Variants in PLEKHA7 observed in about 807,000 individuals in gnomAD.
PLEKHA7 encodes pleckstrin homology domain-containing family A member 7.
Under a neutral mutation model 170.0 loss-of-function variants are expected in PLEKHA7, and 104 were observed. That is an observed-to-expected ratio of 0.61 (90% CI 0.52 to 0.72). The LOEUF (loss-of-function observed/expected upper bound fraction) is 0.72. Among genes scored for constraint, PLEKHA7 ranks in the 30% least tolerant of loss-of-function variants. The pLI, the probability that PLEKHA7 is intolerant of heterozygous loss-of-function variation, is 0.00. For missense variants in PLEKHA7, 1,615 were observed against 1,671.7 expected (o/e 0.97, Z 0.59); for synonymous variants, 648 against 660.8 (o/e 0.98, Z 0.30).
In PLEKHA7 at chr11:16,968,045, A is replaced by C. The variant is rs1021183776; in HGVS notation, c.221+45944T>G. On this transcript the variant is annotated intron_variant, in intron 3 of 26. Transcript: ENST00000531066. The stretch of plus-strand genomic sequence containing the variant: ...GAAAGAAGAAGGGAGAAGAATAGAT[A>C]GAACCCCACTTAGCCCAAGTCAAAA... Among the ~76,000 whole-genome samples, 6 of 152,304 alleles carry C rather than the reference A, an allele frequency of 3.9e-5. No individual in the cohort carries two copies. The South Asian group carries it at 1.2e-3, about 32-fold the overall frequency.
In PLEKHA7 at chr11:16,841,682, G is replaced by T. The variant is rs768143537; in HGVS notation, c.737C>A (p.Ser246Tyr). 39 of 1,614,144 alleles carry T rather than the reference G, an allele frequency of 2.4e-5. No homozygotes were observed. Among genetic ancestry groups the T allele is most frequent in the Non-Finnish European group, 3.3e-5 (39 of 1,180,026 alleles). ...CTGCTCGGCCTGAGAGCCCGCTGTGGAGCTGTTATAGATGAGCGCTCGCAT... is the reference window on the plus strand; with the variant it reads ...CTGCTCGGCCTGAGAGCCCGCTGTGTAGCTGTTATAGATGAGCGCTCGCAT... Reference protein sequence around the residue: ...TGMRALIYNSSTAGSQAEQSG... With the variant: ...TGMRALIYNSYTAGSQAEQSG... The change falls in exon 9 of 27, where the codon TCC becomes TAC. Residue 246 changes from serine to tyrosine, a missense_variant. Ser to Tyr is a moderately radical substitution (Grantham distance 144). Coordinates refer to ENST00000531066, the MANE Select transcript of PLEKHA7 (RefSeq NM_001329630.2).
chr11:16,824,727 T>C (rs2134911073), intron 10 of PLEKHA7, among the ~76,000 whole-genome samples: 2 of 152,358 alleles, frequency 1.3e-5, no homozygotes, highest in South Asian at 2.1e-4. Flanking sequence ...TCAGATCATA[T>C]CACTTACCTG....
At chr11:16,808,683 C>T (rs542772388) in intron 13 of PLEKHA7, among the ~76,000 whole-genome samples, 2 of 152,162 alleles carry the variant, frequency 1.3e-5, no homozygotes, top group East Asian at 1.9e-4. Context: ...AAAGGCTCCA[C>T]GAGTGACAGC....
intron 3 of PLEKHA7, among the ~76,000 whole-genome samples, chr11:16,903,854 GCA>G (rs1857491868): frequency 6.6e-6 from 1 of 152,210 alleles, no homozygotes; most frequent in South Asian, 2.1e-4. Flanking sequence ...ACCTGGGGCA[GCA>G]CACAGTCAGA....
At chr11:16,807,623 A>C (rs1018729963) in intron 13 of PLEKHA7, among the ~76,000 whole-genome samples, 13 of 152,172 alleles carry the variant, frequency 8.5e-5, no homozygotes, top group Non-Finnish European at 1.9e-4. Context: ...GTAAGATACT[A>C]GTTTAGAGTC....
chr11:16,848,864 G>C (rs1470949622), intron 8 of PLEKHA7, among the ~76,000 whole-genome samples: 1 of 152,166 alleles, frequency 6.6e-6, no homozygotes, highest in Non-Finnish European at 1.5e-5. Flanking sequence ...ATACAGAGAA[G>C]GACCAACATC....
At chr11:16,891,075 T>C (rs916261958) in intron 3 of PLEKHA7, among the ~76,000 whole-genome samples, 4 of 151,376 alleles carry the variant, frequency 2.6e-5, no homozygotes, top group Admixed American at 2.6e-4. Context: ...TTATTCTCTA[T>C]TCTATTCTAT....
At chr11:16,910,715 CCTGCAATA>C (rs772889735) in intron 3 of PLEKHA7, among the ~76,000 whole-genome samples, 10 of 152,198 alleles carry the variant, frequency 6.6e-5, no homozygotes, top group Non-Finnish European at 1.3e-4. Flanking sequence ...TGCTGAACAG[CCTGCAATA>C]TACAGGACAG....
intron 3 of PLEKHA7, among the ~76,000 whole-genome samples, chr11:16,947,589 TA>T (rs79807953): frequency 3.1e-3 from 332 of 107,772 alleles, no homozygotes; most frequent in Middle Eastern, 6.6e-3. Flanking sequence ...AGACTCCACC[TA>T]AAAAAAAAAA....
At chr11:16,948,559 G>A (rs1861195593) in intron 3 of PLEKHA7, among the ~76,000 whole-genome samples, 1 of 151,964 alleles carries the variant, frequency 6.6e-6, no homozygotes, top group Non-Finnish European at 1.5e-5. Flanking sequence ...GATGGTATCT[G>A]CACAAATACA....
At position 16,789,223 on chromosome 11, in the gene PLEKHA7, A is replaced by G. The variant is rs185447707; in HGVS notation, c.3230T>C (p.Leu1077Pro). 1.2e-6 allele frequency: 2 copies of G among 1,613,668 alleles called. No homozygotes were observed. The highest frequency in any genetic ancestry group is 1.7e-6 in the Non-Finnish European group (2 of 1,180,024). The change falls in exon 23 of 27, where the codon CTG (leucine) becomes CCG (proline). Residue 1077 changes from leucine to proline, a missense_variant. Physicochemically the swap from Leu to Pro is moderately conservative, Grantham distance 98 (BLOSUM62 -3). Coordinates refer to ENST00000531066, the MANE Select transcript of PLEKHA7 (RefSeq NM_001329630.2). This position sits in a 1 kb window ranked among gnomAD's most constrained non-coding sequence, Gnocchi z 4.6. ...CTTCTGGTGTCGCTTCATGCGCTCCAGCTGCTCCTCTGCACTCATCTTGCC... is the reference window on the plus strand; with the variant it reads ...CTTCTGGTGTCGCTTCATGCGCTCCGGCTGCTCCTCTGCACTCATCTTGCC... ...QRGKMSAEEQLERMKRHQKAL... is the reference protein window; with the variant it reads ...QRGKMSAEEQPERMKRHQKAL...
intron 8 of PLEKHA7, among the ~76,000 whole-genome samples, chr11:16,849,642 G>A (rs1464138048): frequency 2.0e-5 from 3 of 152,210 alleles, no homozygotes; most frequent in Admixed American, 6.5e-5. Context: ...AACTGAAAGA[G>A]AACAGAATTC....
At chr11:16,906,913 T>C (rs1857779609) in intron 3 of PLEKHA7, among the ~76,000 whole-genome samples, 1 of 143,200 alleles carries the variant, frequency 7.0e-6, no homozygotes, top group Admixed American at 6.9e-5. Flanking sequence ...TCGTCTGAGA[T>C]GTGGGGAGCG....
intron 3 of PLEKHA7, among the ~76,000 whole-genome samples, chr11:16,928,439 C>T (rs1859713205): frequency 1.3e-5 from 2 of 151,342 alleles, no homozygotes; most frequent in Non-Finnish European, 2.9e-5. Context: ...GGTTTTGCCC[C>T]CAGATTTTTT....
intron 3 of PLEKHA7, among the ~76,000 whole-genome samples, chr11:16,885,023 CATG>C (rs1292756396): frequency 3.4e-5 from 5 of 146,264 alleles, no homozygotes; most frequent in Non-Finnish European, 6.3e-5. Context: ...ACCTTCTTTT[CATG>C]AAGAAGATCT....
chr11:16,875,337 G>A (rs1855196155), intron 3 of PLEKHA7, among the ~76,000 whole-genome samples: 1 of 149,936 alleles, frequency 6.7e-6, no homozygotes, highest in Non-Finnish European at 1.5e-5. Context: ...GTTATGGGAT[G>A]TTACTAGAAT....
chr11:16,867,834 T>C (rs1408147263), intron 4 of PLEKHA7, among the ~76,000 whole-genome samples: 3 of 152,184 alleles, frequency 2.0e-5, no homozygotes, highest in Non-Finnish European at 4.4e-5. Flanking sequence ...CATGCACGTG[T>C]ACACACTTAT....
At chr11:16,845,642 C>T (rs955963283) in intron 8 of PLEKHA7, among the ~76,000 whole-genome samples, 5 of 152,186 alleles carry the variant, frequency 3.3e-5, no homozygotes, top group Non-Finnish European at 7.3e-5. Context: ...GCTGAAATTA[C>T]AGGCATGAGC....
intron 17 of PLEKHA7, among the ~76,000 whole-genome samples, chr11:16,798,375 G>T (rs1848374819): frequency 6.6e-6 from 1 of 152,102 alleles, no homozygotes; most frequent in Non-Finnish European, 1.5e-5. Context: ...CTCCAGGCTG[G>T]CCTATCTGAG....
Sources: allele counts gnomAD v4.1 joint callset (sites outside exome capture counted in the v4.1 genomes callset), GRCh38; gene constraint gnomAD v4.1.1; non-coding constraint Gnocchi (gnomAD v3.1); transcripts MANE v1.5; gene names NCBI Gene and HGNC (gene_info 2026-07-23, HGNC 2026-07-21).